CRYGN: variants seen among roughly 807,000 people sequenced by gnomAD.
CRYGN encodes the protein gamma-crystallin N.
In CRYGN, 17 loss-of-function variants were observed where a neutral mutation model predicts 19.2. That is an observed-to-expected ratio of 0.89 (90% CI 0.61 to 1.33). CRYGN has a LOEUF of 1.33. CRYGN is among the 40% of genes most tolerant of loss of function. The pLI is 0.00. For synonymous variants in CRYGN, 84 were observed against 85.8 expected (o/e 0.98, Z 0.12); for missense variants, 239 against 239.6 (o/e 1.00, Z 0.02).
intron 3 of CRYGN, chr7:151,432,432 C>T: frequency 2.4e-6 from 1 of 410,398 alleles, no homozygotes; most frequent in Non-Finnish European, 4.2e-6. Context: ...CCCACGGTGC[C>T]TTCCCCAGTG....
chr7:151,431,042 T>C lies in CRYGN; in HGVS notation c.417-862A>G, dbSNP rs1801451825. On this transcript the variant is annotated intron_variant, in intron 3 of 3. Coordinates refer to ENST00000337323, the MANE Select transcript of CRYGN (RefSeq NM_144727.3). This position sits in a 1 kb window ranked among gnomAD's most constrained non-coding sequence, Gnocchi z 4.8. Reference sequence around the variant, plus strand: ...CCAGGAGCCCCCATGCTCAGGAATCTCGGGTCCAGGGCCCCTGTGTTCTCC... The same window carrying C: ...CCAGGAGCCCCCATGCTCAGGAATCCCGGGTCCAGGGCCCCTGTGTTCTCC... 6.6e-6 allele frequency among the ~76,000 whole-genome samples: 1 copy of C among 152,176 alleles called. No homozygotes were observed. The highest frequency in any genetic ancestry group is 1.5e-5 in the Non-Finnish European group (1 of 68,030).
chr7:151,432,669 T>A (rs1294784785), intron 3 of CRYGN, among the ~76,000 whole-genome samples: 1 of 152,148 alleles, frequency 6.6e-6, no homozygotes, highest in Admixed American at 6.5e-5. Flanking sequence ...CTGGGTGTGG[T>A]GGTGGGCACC....
Position 151,435,988 on chromosome 7 carries a change from C to T in CRYGN, c.416+192G>A, listed in dbSNP as rs61508979. Reference sequence around the variant, plus strand: ...GCCCTTCTGGGCCACAGGGGAAGCTCCCCGCTGCTTGACTGGGGCAGGTGA... The same window carrying T: ...GCCCTTCTGGGCCACAGGGGAAGCTTCCCGCTGCTTGACTGGGGCAGGTGA... On this transcript the variant is annotated intron_variant, in intron 3 of 3. Transcript: ENST00000337323. The surrounding 1 kb of genome is among the most constrained non-coding windows in gnomAD (Gnocchi z 4.2). 0.019 allele frequency among the ~76,000 whole-genome samples: 2,956 copies of T among 152,240 alleles called. 72 individuals carry two copies. The highest frequency in any genetic ancestry group is 0.056 in the East Asian group (287 of 5,154).
chr7:151,432,195 G>A, intron 3 of CRYGN: 2 of 1,232,162 alleles, frequency 1.6e-6, no homozygotes, highest in Non-Finnish European at 2.0e-6. Context: ...CTCGTGCGCT[G>A]TGGGCCTCCC....
intron 1 of CRYGN, 77 bp from the exon 2 acceptor site, chr7:151,438,321 A>G (rs1801675366): frequency 6.2e-6 from 9 of 1,457,460 alleles, no homozygotes; most frequent in Non-Finnish European, 8.3e-6. Flanking sequence ...CTGGGTCCCA[A>G]CACCCTGGAT....
intron 1 of CRYGN, chr7:151,438,723 C>G (rs548848221): frequency 5.6e-4 from 90 of 159,562 alleles, no homozygotes; most frequent in Middle Eastern, 3.3e-3. Context: ...ATTGGGCCTC[C>G]TTCACTGGAG....
rs1414843582 is a variant in CRYGN at position 151,435,017 on chromosome 7, G to C, written c.416+1163C>G. Among the ~76,000 whole-genome samples, 1 of 152,216 alleles carries C rather than the reference G, an allele frequency of 6.6e-6. No individual in the cohort carries two copies. On this transcript the variant is annotated intron_variant, in intron 3 of 3. Coordinates refer to ENST00000337323, the MANE Select transcript of CRYGN (RefSeq NM_144727.3). This position sits in a 1 kb window ranked among gnomAD's most constrained non-coding sequence, Gnocchi z 4.2. Reference sequence around the variant, plus strand: ...GTACATATTCAGCATAGACACAATTGTGGGGGGATATTTTCGCTGTGCGGT... The same window carrying C: ...GTACATATTCAGCATAGACACAATTCTGGGGGGATATTTTCGCTGTGCGGT...
chr7:151,439,964 C>T lies in CRYGN; in HGVS notation c.-47G>A. The T allele has an allele frequency of 6.7e-7, 1 of 1,494,776 alleles. No individual in the cohort carries two copies. Among genetic ancestry groups the T allele is most frequent in the Non-Finnish European group, 8.9e-7 (1 of 1,120,756 alleles). 92.6% of individuals were successfully genotyped at this position (1,494,776 alleles called of 1,614,324 possible). On this transcript the variant is annotated 5_prime_UTR_variant, in exon 1 of 4. Transcript: ENST00000337323. ...GGGTCCCCGTTTACACCGGGCAGCG[C>T]CCTGCTGGCTCAGCGCCGCCCCGGA...
intron 3 of CRYGN, chr7:151,432,255 G>C: frequency 8.1e-7 from 1 of 1,232,066 alleles, no homozygotes; most frequent in Non-Finnish European, 1.0e-6. Flanking sequence ...ACATGCGGCC[G>C]TGGTAGTTGG....
In CRYGN at chr7:151,436,288, C is replaced by A; in HGVS notation, c.308G>T (p.Cys103Phe). 6.3e-7 allele frequency: 1 copy of A among 1,593,346 alleles called. No individual in the cohort carries two copies. Among genetic ancestry groups the A allele is most frequent in the Non-Finnish European group, 8.5e-7 (1 of 1,169,996 alleles). ...CTCCAGGCACTGGCCCGTGAAGTTG[C>A]AACCCTCGAAGATTTCTAGGCGGAA... ...EHFRLEIFEG[C>F]NFTGQCLEFL... The change falls in exon 3 of 4, where the codon TGC becomes TTC. Residue 103 changes from cysteine to phenylalanine, a missense_variant. Transcript: ENST00000337323. This position sits in a 1 kb window ranked among gnomAD's most constrained non-coding sequence, Gnocchi z 5.1.
chr7:151,437,041 T>C (rs1166297132), intron 2 of CRYGN: 8 of 152,152 alleles, frequency 5.3e-5, no homozygotes, highest in African/African-American at 1.9e-4. Context: ...TTCATATAAA[T>C]AGCATTATGC....
At position 151,435,798 on chromosome 7, in the gene CRYGN, T is replaced by A. The variant is rs1187340389; in HGVS notation, c.416+382A>T. Among the ~76,000 whole-genome samples the A allele has an allele frequency of 6.6e-6, 1 of 152,094 alleles. No individual in the cohort carries two copies. Among genetic ancestry groups the A allele is most frequent in the African/African-American group, 2.4e-5 (1 of 41,426 alleles). On this transcript the variant is annotated intron_variant, in intron 3 of 3. Coordinates refer to ENST00000337323, the MANE Select transcript of CRYGN (RefSeq NM_144727.3). The surrounding 1 kb of genome is among the most constrained non-coding windows in gnomAD (Gnocchi z 4.2). ...CATAAGGCCCTGGAGGACCCCTTGGTAAGCAGGTGTCCCCCGGTTCAAGAA... is the reference window on the plus strand; with the variant it reads ...CATAAGGCCCTGGAGGACCCCTTGGAAAGCAGGTGTCCCCCGGTTCAAGAA...
intron 1 of CRYGN, among the ~76,000 whole-genome samples, chr7:151,439,650 C>T (rs1436494346): frequency 6.6e-6 from 1 of 152,134 alleles, no homozygotes; most frequent in Non-Finnish European, 1.5e-5. Flanking sequence ...TGAACACCCT[C>T]CCTGCTCCTG....
chr7:151,430,167 T>C lies in CRYGN; in HGVS notation c.430A>G (p.Arg144Gly). ...VYGDGAAWSP[R>G]SFGAEDFQLS... Reference sequence around the variant, plus strand: ...TGGAAGTCCTCAGCTCCGAAGCTTCTAGGGCTCCATGCTCTGTGGTTTGCA... The same window carrying C: ...TGGAAGTCCTCAGCTCCGAAGCTTCCAGGGCTCCATGCTCTGTGGTTTGCA... Residue 144 changes from arginine (R) to glycine (G), a missense_variant, in exon 4 of 4, where the codon AGA becomes GGA. By Grantham distance (125) the Arg-to-Gly change is moderately radical (BLOSUM62 -2). Coordinates refer to ENST00000337323, the MANE Select transcript of CRYGN (RefSeq NM_144727.3). The surrounding 1 kb of genome is among the most constrained non-coding windows in gnomAD (Gnocchi z 5.2). The C allele has an allele frequency of 6.2e-7, 1 of 1,613,930 alleles. No individual in the cohort carries two copies. Among genetic ancestry groups the C allele is most frequent in the Non-Finnish European group, 8.5e-7 (1 of 1,179,950 alleles).
upstream of CRYGN, chr7:151,440,385 C>T (rs1455252231): frequency 5.8e-6 from 1 of 172,638 alleles, no homozygotes; most frequent in East Asian, 1.6e-4. Flanking sequence ...ACTTGTTTGT[C>T]TCCACGAGGA....
At chr7:151,434,692 T>C (rs2150907273) in intron 3 of CRYGN, among the ~76,000 whole-genome samples, 1 of 152,314 alleles carries the variant, frequency 6.6e-6, no homozygotes, top group South Asian at 2.1e-4. Flanking sequence ...TATCCTCCCA[T>C]ATATAGTAAG....
rs376700866 is a variant in CRYGN, at chr7:151,438,200, C to G, written c.66G>C (p.Glu22Asp). The G allele has an allele frequency of 1.2e-6, 2 of 1,614,008 alleles. No homozygotes were observed. The highest frequency in any genetic ancestry group is 8.5e-7 in the Non-Finnish European group (1 of 1,180,024). ...GGAAGTTGTCACAGTCCCCGAAGAC[C>G]TCCAGCTTCTGCCCTGTGAAGTGCT... ...EGKHFTGQKL[E>D]VFGDCDNFQD... The change falls in exon 2 of 4, where the codon GAG becomes GAC. Residue 22 changes from glutamate to aspartate, a missense_variant. Transcript: ENST00000337323.
Position 151,439,930 on chromosome 7 carries a change from C to T in CRYGN, c.-13G>A. 1 of 1,538,054 alleles carries T rather than the reference C, an allele frequency of 6.5e-7. No homozygotes were observed. Among genetic ancestry groups the T allele is most frequent in the Non-Finnish European group, 8.7e-7 (1 of 1,142,914 alleles). On this transcript the variant is annotated 5_prime_UTR_variant, in exon 1 of 4. Transcript: ENST00000337323. ...AGCGCTGCGCCATGGTGCGCCCCGCCCCTTCCGCGGGTCCCCGTTTACACC... is the reference window on the plus strand; with the variant it reads ...AGCGCTGCGCCATGGTGCGCCCCGCTCCTTCCGCGGGTCCCCGTTTACACC...
intron 2 of CRYGN, chr7:151,437,756 T>G: frequency 2.3e-6 from 3 of 1,290,154 alleles, no homozygotes; most frequent in Non-Finnish European, 3.1e-6. Flanking sequence ...GCTCCGAAAC[T>G]TAAAGTGGTT....
Sources: allele counts gnomAD v4.1 joint callset (sites outside exome capture counted in the v4.1 genomes callset), GRCh38; gene constraint gnomAD v4.1.1; non-coding constraint Gnocchi (gnomAD v3.1); transcripts MANE v1.5; gene names NCBI Gene and HGNC (gene_info 2026-07-23, HGNC 2026-07-21).